The following HFM1 variants were observed in gnomAD, a reference collection of about 807,000 sequenced individuals.
HFM1 encodes the protein helicase for meiosis 1.
HFM1 carries 169 observed loss-of-function variants against 192.1 expected under a neutral mutation model. That is an observed-to-expected ratio of 0.88 (90% CI 0.78 to 1.00). The LOEUF is 1.00. Among genes scored for constraint, HFM1 ranks in the 50% least tolerant of loss-of-function variants. The pLI, the probability that HFM1 is intolerant of heterozygous loss-of-function variation, is 0.00. For synonymous variants in HFM1, 525 were observed against 537.8 expected (o/e 0.98, Z 0.33); for missense variants, 1,661 against 1,668.0 (o/e 1.00, Z 0.07).
intron 13 of HFM1, among the ~76,000 whole-genome samples, chr1:91,356,883 C>T (rs184986359): frequency 2.0e-5 from 3 of 152,150 alleles, no homozygotes; most frequent in Admixed American, 2.0e-4. Context: ...TAGAAAAATA[C>T]AACCTGCTAA....
intron 30 of HFM1, among the ~76,000 whole-genome samples, chr1:91,296,543 G>A (rs557167830): frequency 4.0e-5 from 6 of 149,614 alleles, no homozygotes; most frequent in African/African-American, 1.2e-4. Flanking sequence ...GGTTATTTCA[G>A]AAAAAAAAAT....
At chr1:91,293,635 G>T (rs1327783804) in intron 30 of HFM1, among the ~76,000 whole-genome samples, 1 of 151,498 alleles carries the variant, frequency 6.6e-6, no homozygotes, top group Non-Finnish European at 1.5e-5. Context: ...GTGGAAGTCA[G>T]TGTGGCGATT....
chr1:91,359,331 C>T (rs1658163853), intron 13 of HFM1, among the ~76,000 whole-genome samples: 1 of 151,582 alleles, frequency 6.6e-6, no homozygotes, highest in African/African-American at 2.4e-5. Context: ...ATGTTATAAC[C>T]TAATGCAAAA....
At chr1:91,293,953 A>T (rs1669090035) in intron 30 of HFM1, among the ~76,000 whole-genome samples, 1 of 151,198 alleles carries the variant, frequency 6.6e-6, no homozygotes, top group African/African-American at 2.4e-5. Flanking sequence ...GCAAGAACAA[A>T]AAACCAAACA....
intron 2 of HFM1, among the ~76,000 whole-genome samples, chr1:91,397,337 G>A (rs912921095): frequency 3.9e-5 from 6 of 152,064 alleles, no homozygotes; most frequent in Non-Finnish European, 5.9e-5. Flanking sequence ...AACTGTGATC[G>A]TGTTAACTGA....
chr1:91,295,654 C>T (rs1647433112), intron 30 of HFM1, among the ~76,000 whole-genome samples: 1 of 152,156 alleles, frequency 6.6e-6, no homozygotes, highest in East Asian at 1.9e-4. Flanking sequence ...ATATGTATTC[C>T]ATTTTTTTCC....
chr1:91,384,162 C>G (rs1351099261), intron 6 of HFM1, among the ~76,000 whole-genome samples: 1 of 152,130 alleles, frequency 6.6e-6, no homozygotes, highest in African/African-American at 2.4e-5. Context: ...TCCACCCTTG[C>G]TTATGTCTCT....
intron 13 of HFM1, among the ~76,000 whole-genome samples, chr1:91,357,622 A>C (rs957447306): frequency 6.6e-6 from 1 of 152,180 alleles, no homozygotes; most frequent in African/African-American, 2.4e-5. Flanking sequence ...CAGATAAGAA[A>C]AAAATAAAAG....
chr1:91,378,283 G>A (rs1036735051), intron 10 of HFM1, 100 bp from the exon 11 acceptor site: 58 of 1,265,076 alleles, frequency 4.6e-5, no homozygotes, highest in Non-Finnish European at 6.4e-5. Context: ...TTGAGAAAAT[G>A]AGCATTTTCC....
rs1037140834 is a variant in HFM1 at position 91,356,011 on chromosome 1, C to T, written c.1686-2712G>A. 5.9e-5 allele frequency among the ~76,000 whole-genome samples: 9 copies of T among 151,926 alleles called. No individual in the cohort carries two copies. The Middle Eastern group carries it at 0.01, about 172-fold the overall frequency. ...ATTTTTAATTAATCTAAATTCAAGA[C>T]GATTGAAATCATATGTAGTATCATT... On this transcript the variant is annotated intron_variant, in intron 13 of 38. Transcript: ENST00000370425.
rs566029886 is a variant in HFM1 at position 91,363,831 on chromosome 1, T to C, written c.1686-10532A>G. Among the ~76,000 whole-genome samples, 4 of 152,288 alleles carry C rather than the reference T, an allele frequency of 2.6e-5. No individual in the cohort carries two copies. The South Asian group carries it at 6.2e-4, about 24-fold the overall frequency. On this transcript the variant is annotated intron_variant, in intron 13 of 38. Transcript: ENST00000370425. ...CTGGATAAAGAAAATGTGGCACATA[T>C]ATACTCTGGAATACTACACAGCCGT...
intron 9 of HFM1, 83 bp downstream of exon 9, chr1:91,378,980 T>A: frequency 1.3e-6 from 1 of 769,128 alleles, no homozygotes; most frequent in Non-Finnish European, 2.0e-6. Flanking sequence ...CTAGTTTATA[T>A]TTTTTAAACT....
chr1:91,340,679 C>T (rs1194725984), intron 20 of HFM1, among the ~76,000 whole-genome samples: 2 of 152,160 alleles, frequency 1.3e-5, no homozygotes, highest in Admixed American at 6.5e-5. Flanking sequence ...GAAGCAAAAC[C>T]CAACTGTATG....
chr1:91,386,151 G>T (rs1170756420), intron 4 of HFM1, among the ~76,000 whole-genome samples: 1 of 152,166 alleles, frequency 6.6e-6, no homozygotes, highest in Non-Finnish European at 1.5e-5. Flanking sequence ...CTAACTAGCA[G>T]AGTACTGCAG....
intron 30 of HFM1, among the ~76,000 whole-genome samples, chr1:91,283,064 A>G (rs1667608546): frequency 6.6e-6 from 1 of 152,154 alleles, no homozygotes; most frequent in Non-Finnish European, 1.5e-5. Context: ...GCACATGGAT[A>G]CTACCTGACG....
chr1:91,365,271 A>T (rs1659142444), intron 13 of HFM1, among the ~76,000 whole-genome samples: 1 of 152,208 alleles, frequency 6.6e-6, no homozygotes, highest in Non-Finnish European at 1.5e-5. Flanking sequence ...TAGTGTGAAC[A>T]AATCTAGAGA....
chr1:91,262,204 T>C, intron 38 of HFM1, 37 bp downstream of exon 38: 2 of 963,980 alleles, frequency 2.1e-6, no homozygotes, highest in Non-Finnish European at 3.0e-6. Context: ...AAGTTTTTTA[T>C]TGATATAATC....
intron 30 of HFM1, among the ~76,000 whole-genome samples, chr1:91,311,024 C>A (rs112754676): frequency 1.3e-5 from 2 of 152,126 alleles, no homozygotes; most frequent in Admixed American, 6.5e-5. Flanking sequence ...CAGAGGAAGA[C>A]AGGAAAATGT....
At chr1:91,395,451 T>G (rs950040780) in intron 3 of HFM1, among the ~76,000 whole-genome samples, 1 of 152,256 alleles carries the variant, frequency 6.6e-6, no homozygotes, top group East Asian at 1.9e-4. Context: ...ATTTTGTTTT[T>G]GGGGGTATGT....
Sources: gnomAD v4.1 joint callset for allele counts (sites outside exome capture counted in the v4.1 genomes callset) on GRCh38, gnomAD v4.1.1 for gene constraint, MANE v1.5 for transcripts, NCBI Gene and HGNC (gene_info 2026-07-23, HGNC 2026-07-21) for gene names.